PLCB1: variants seen among roughly 807,000 people sequenced by gnomAD.
The protein encoded by PLCB1 is 1-phosphatidylinositol 4,5-bisphosphate phosphodiesterase beta-1.
Under a neutral mutation model 161.8 loss-of-function variants are expected in PLCB1, and 46 were observed. The observed-to-expected ratio is 0.28, with a 90% CI of 0.22 to 0.36. The LOEUF is 0.36. PLCB1 is among the 10% of genes least tolerant of loss of function. The pLI, the probability that PLCB1 is intolerant of heterozygous loss-of-function variation, is 1.00. For synonymous variants in PLCB1, 517 were observed against 503.7 expected, an observed-to-expected ratio of 1.03 and a Z score of -0.35; for missense variants, 1,016 against 1,472.5, an observed-to-expected ratio of 0.69 and a Z score of 5.07.
At chr20:8,881,523 C>A in intron 31 of PLCB1, 99 bp from the exon 32 acceptor site, 1 of 849,378 alleles carries the variant, frequency 1.2e-6, no homozygotes, top group South Asian at 1.6e-5. Flanking sequence ...TTAATGTATT[C>A]ATCAGCCCCT....
At chr20:8,179,733 C>T (rs1003285749) in intron 2 of PLCB1, among the ~76,000 whole-genome samples, 8 of 151,302 alleles carry the variant, frequency 5.3e-5, no homozygotes, top group African/African-American at 1.9e-4. Flanking sequence ...TCCCAGTTCT[C>T]AAGGGGAATG....
chr20:8,183,716 C>T (rs2051871537), intron 2 of PLCB1, among the ~76,000 whole-genome samples: 1 of 152,190 alleles, frequency 6.6e-6, no homozygotes, highest in Non-Finnish European at 1.5e-5. Context: ...GAATGTCCGT[C>T]TCCAGGGATA....
intron 3 of PLCB1, among the ~76,000 whole-genome samples, chr20:8,392,054 G>A (rs143839920): frequency 2.0e-3 from 301 of 151,916 alleles, no homozygotes; most frequent in African/African-American, 7.0e-3. Flanking sequence ...CAGTTTATGA[G>A]CAGCGAGTTC....
intron 10 of PLCB1, among the ~76,000 whole-genome samples, chr20:8,689,445 G>T (rs2123409918): frequency 6.6e-6 from 1 of 152,212 alleles, no homozygotes; most frequent in East Asian, 1.9e-4. Context: ...AATGCTTTCA[G>T]CTTTTCCCCA....
At chr20:8,271,122 T>C (rs1982258060) in intron 2 of PLCB1, among the ~76,000 whole-genome samples, 1 of 152,166 alleles carries the variant, frequency 6.6e-6, no homozygotes, top group South Asian at 2.1e-4. Context: ...TAAATTTTTG[T>C]CTACAATGTT....
chr20:8,740,041 G>A (rs568887222), intron 21 of PLCB1, among the ~76,000 whole-genome samples: 14 of 152,212 alleles, frequency 9.2e-5, no homozygotes, highest in African/African-American at 3.1e-4. Flanking sequence ...AAGAAGTCAT[G>A]TCAAGTATAA....
intron 2 of PLCB1, among the ~76,000 whole-genome samples, chr20:8,234,203 C>T (rs1228672725): frequency 6.6e-6 from 1 of 151,968 alleles, no homozygotes; most frequent in African/African-American, 2.4e-5. Flanking sequence ...AGTGCCTATA[C>T]CTAGCTTTAA....
intron 3 of PLCB1, among the ~76,000 whole-genome samples, chr20:8,603,427 C>T (rs1987658420): frequency 6.6e-6 from 1 of 152,206 alleles, no homozygotes; most frequent in Admixed American, 6.5e-5. Flanking sequence ...TTCTGGTAAT[C>T]CCAGCGTGTG....
At chr20:8,862,230 AT>A (rs915481102) in intron 31 of PLCB1, among the ~76,000 whole-genome samples, 2 of 152,172 alleles carry the variant, frequency 1.3e-5, no homozygotes, top group African/African-American at 4.8e-5. Context: ...TTTCAGCATA[AT>A]TTTTCTTGAC....
intron 3 of PLCB1, among the ~76,000 whole-genome samples, chr20:8,471,481 G>T (rs1982050796): frequency 6.6e-6 from 1 of 152,142 alleles, no homozygotes; most frequent in Non-Finnish European, 1.5e-5. Flanking sequence ...AAGACTGGAT[G>T]AAACAGCAGC....
chr20:8,551,028 T>C (rs1318873464), intron 3 of PLCB1, among the ~76,000 whole-genome samples: 1 of 152,234 alleles, frequency 6.6e-6, no homozygotes, highest in African/African-American at 2.4e-5. Flanking sequence ...TTTTTTGTTG[T>C]CGTTCTCACA....
chr20:8,553,710 C>A (rs568326613), intron 3 of PLCB1, among the ~76,000 whole-genome samples: 1 of 152,000 alleles, frequency 6.6e-6, no homozygotes, highest in African/African-American at 2.4e-5. Flanking sequence ...CTTAATAAAA[C>A]TGCTGTTTAG....
chr20:8,628,483 G>C, intron 4 of PLCB1, 52 bp downstream of exon 4: 2 of 1,590,268 alleles, frequency 1.3e-6, no homozygotes, highest in Non-Finnish European at 8.6e-7. Flanking sequence ...GAATCCTTGA[G>C]CTATCATACT....
chr20:8,217,962 C>T (rs576840045), intron 2 of PLCB1, among the ~76,000 whole-genome samples: 1 of 152,174 alleles, frequency 6.6e-6, no homozygotes, highest in Admixed American at 6.6e-5. Context: ...TTGGACTTCC[C>T]AGCCTCCAGA....
chr20:8,753,394 A>G (rs1182145870), intron 23 of PLCB1, among the ~76,000 whole-genome samples: 1 of 152,088 alleles, frequency 6.6e-6, no homozygotes, highest in African/African-American at 2.4e-5. Flanking sequence ...GGGACCACTG[A>G]CTTAACTTGT....
intron 2 of PLCB1, among the ~76,000 whole-genome samples, chr20:8,205,864 C>A (rs1410951237): frequency 1.3e-5 from 2 of 151,848 alleles, no homozygotes; most frequent in Non-Finnish European, 2.9e-5. Flanking sequence ...TGGTTTATGG[C>A]TTTGAGTGTG....
At chr20:8,136,824 C>T (rs2051354884) in intron 1 of PLCB1, among the ~76,000 whole-genome samples, 1 of 152,050 alleles carries the variant, frequency 6.6e-6, no homozygotes, top group Non-Finnish European at 1.5e-5. Flanking sequence ...TTTTAAAAAT[C>T]CAGGTGTTTC....
intron 2 of PLCB1, among the ~76,000 whole-genome samples, chr20:8,226,919 C>T (rs1226616582): frequency 6.6e-6 from 1 of 152,082 alleles, no homozygotes; most frequent in African/African-American, 2.4e-5. Context: ...GAACTCCTGA[C>T]CTCATGATCC....
intron 3 of PLCB1, among the ~76,000 whole-genome samples, chr20:8,466,126 A>G (rs1274063048): frequency 6.6e-6 from 1 of 151,148 alleles, no homozygotes; most frequent in East Asian, 1.9e-4. Context: ...CATATACACC[A>G]TGGAATACTA....
Sources: allele counts gnomAD v4.1 joint callset (sites outside exome capture counted in the v4.1 genomes callset), GRCh38; gene constraint gnomAD v4.1.1; transcripts MANE v1.5; gene names NCBI Gene and HGNC (gene_info 2026-07-23, HGNC 2026-07-21).